ATP2B3: variants seen among roughly 807,000 people sequenced by gnomAD.
ATP2B3 encodes the protein plasma membrane calcium-transporting ATPase 3.
A neutral mutation model predicts 70.8 loss-of-function variants in ATP2B3; 12 were observed. That is an observed-to-expected ratio of 0.17 (90% CI 0.11 to 0.27). The LOEUF is 0.27. Among genes scored for constraint, ATP2B3 ranks in the 10% least tolerant of loss-of-function variants. The pLI is 1.00. For synonymous variants in ATP2B3, 460 were observed against 497.8 expected (o/e 0.92, Z 1.01); for missense variants, 858 against 1,118.5 (o/e 0.77, Z 3.32).
At chrX:153,563,128 G>A (rs782752135) in intron 20 of ATP2B3, among the ~76,000 whole-genome samples, 10 of 59,710 alleles carry the variant, frequency 1.7e-4, no homozygotes, top group Admixed American at 4.8e-4. Context: ...ATAGCATTCT[G>A]GCTTTTCCTT....
intron 10 of ATP2B3, 22 bp from the exon 11 acceptor site, chrX:153,549,475 C>A: frequency 8.3e-7 from 1 of 1,209,966 alleles, no homozygotes; most frequent in Non-Finnish European, 1.1e-6. Flanking sequence ...GGGCCAAATG[C>A]CCACACCCTC....
At chrX:153,521,499 A>G (rs1428432546) in intron 2 of ATP2B3, among the ~76,000 whole-genome samples, 1 of 112,462 alleles carries the variant, frequency 8.9e-6, no homozygotes, top group Admixed American at 9.3e-5. Context: ...ATGGTTGGGG[A>G]ATCTTGGGAC....
intron 21 of ATP2B3, among the ~76,000 whole-genome samples, chrX:153,567,511 G>A (rs1340515243): frequency 3.5e-5 from 4 of 113,016 alleles, no homozygotes; most frequent in East Asian, 2.8e-4. Flanking sequence ...CGCCGCAGCC[G>A]AAGGCGACGT....
intron 21 of ATP2B3, chrX:153,575,002 C>T: frequency 3.7e-6 from 1 of 267,724 alleles, no homozygotes; most frequent in Admixed American, 3.8e-5. Flanking sequence ...CTCTGGGCAG[C>T]TGGTAACAAA....
At chrX:153,553,335 G>A in intron 13 of ATP2B3, 66 bp downstream of exon 13, 2 of 1,006,116 alleles carry the variant, frequency 2.0e-6, no homozygotes, top group Non-Finnish European at 2.7e-6. Flanking sequence ...TGTCCGGACT[G>A]GTAGGGGCGG....
intron 2 of ATP2B3, among the ~76,000 whole-genome samples, chrX:153,527,161 C>T (rs782176459): frequency 1.8e-5 from 2 of 112,778 alleles, no homozygotes; most frequent in Non-Finnish European, 3.8e-5. Flanking sequence ...CGGGCTGGGA[C>T]GGGCACCGAG....
chrX:153,543,194 T>C, intron 7 of ATP2B3, 26 bp downstream of exon 7: 1 of 1,193,507 alleles, frequency 8.4e-7, no homozygotes, highest in African/African-American at 1.7e-5. Context: ...CGCCAGTCCC[T>C]GGTGCTGGTG....
Position 153,541,573 on chromosome X carries a change from T to G in ATP2B3, c.406+17T>G. ...AGAGTGAAGGTAAGGCCCGGGGGCC[T>G]GGGCTGGAAGGAGGAAGAGGAATGG... On this transcript the variant is annotated intron_variant, in intron 4 of 21. Transcript: ENST00000263519. The G allele has an allele frequency of 1.7e-6, 2 of 1,210,078 alleles. No individual in the cohort carries two copies. Among genetic ancestry groups the G allele is most frequent in the Non-Finnish European group, 2.2e-6 (2 of 894,581 alleles).
chrX:153,536,898 G>A (rs782504778), intron 3 of ATP2B3, among the ~76,000 whole-genome samples: 3 of 112,269 alleles, frequency 2.7e-5, no homozygotes, highest in South Asian at 3.7e-4. Flanking sequence ...TCGGGTGACC[G>A]GGGCCTCTCC....
intron 2 of ATP2B3, among the ~76,000 whole-genome samples, chrX:153,522,380 C>T (rs113039892): frequency 8.9e-6 from 1 of 111,844 alleles, no homozygotes; most frequent in Non-Finnish European, 1.9e-5. Flanking sequence ...TGGCTGGGGC[C>T]GGGAGGATGG....
intron 12 of ATP2B3, among the ~76,000 whole-genome samples, chrX:153,551,136 C>T (rs782529653): frequency 1.8e-5 from 2 of 112,328 alleles, no homozygotes; most frequent in Non-Finnish European, 3.8e-5. Context: ...GTGGTGTCCA[C>T]GAAACTGTTT....
chrX:153,528,153 G>A (rs2090062651), intron 2 of ATP2B3, among the ~76,000 whole-genome samples: 1 of 113,027 alleles, frequency 8.8e-6, no homozygotes, highest in Admixed American at 9.3e-5. Flanking sequence ...CTTTTCATTG[G>A]TTCTAATCAC....
At chrX:153,523,588 T>C (rs1389952636) in intron 2 of ATP2B3, among the ~76,000 whole-genome samples, 1 of 111,917 alleles carries the variant, frequency 8.9e-6, no homozygotes, top group East Asian at 2.7e-4. Context: ...GTCAAAAATA[T>C]GTACTTTACT....
chrX:153,551,565 C>T (rs1343415328), intron 12 of ATP2B3, among the ~76,000 whole-genome samples: 1 of 111,691 alleles, frequency 9.0e-6, no homozygotes, highest in Non-Finnish European at 1.9e-5. Context: ...TGTTTTAAAT[C>T]GTGATGACGT....
chrX:153,569,950 T>G (rs2090764394), intron 21 of ATP2B3: 1 of 469,160 alleles, frequency 2.1e-6, no homozygotes. Flanking sequence ...TGAAACGTAT[T>G]CAACCCATGG....
intron 2 of ATP2B3, 111 bp from the exon 3 acceptor site, chrX:153,536,011 C>T (rs2090185688): frequency 6.8e-6 from 3 of 438,208 alleles, no homozygotes; most frequent in South Asian, 3.3e-5. Flanking sequence ...TTCTGCACTT[C>T]GAGGGTCATG....
rs201996177 is a variant in ATP2B3 at position 153,559,707 on chromosome X, GGT to G, written c.2626-20_2626-19del. 1.7e-3 allele frequency: 2,090 copies of G among 1,197,870 alleles called. 31 individuals carry two copies. The African/African-American group carries it at 0.035, about 20-fold the overall frequency. On this transcript the variant is annotated intron_variant, in intron 17 of 21. Coordinates refer to ENST00000263519, the MANE Select transcript of ATP2B3 (RefSeq NM_001001344.3). The stretch of plus-strand genomic sequence containing the variant: ...TTCCCGGGCAGGCGGCCCATGGAAA[GGT>G]GACTGCCTCCTCTCCATAGGACTCT...
chrX:153,574,505 G>T (rs1158200047), intron 21 of ATP2B3, among the ~76,000 whole-genome samples: 1 of 111,566 alleles, frequency 9.0e-6, no homozygotes, highest in African/African-American at 3.3e-5. Context: ...GAGCCCCTCG[G>T]GTCGGCTGGT....
At chrX:153,524,181 C>T (rs1294882197) in intron 2 of ATP2B3, among the ~76,000 whole-genome samples, 2 of 110,225 alleles carry the variant, frequency 1.8e-5, no homozygotes, top group Non-Finnish European at 3.8e-5. Context: ...AAATCCCTTT[C>T]GGAAATTTGA....
Sources: gnomAD v4.1 joint callset for allele counts (sites outside exome capture counted in the v4.1 genomes callset) on GRCh38, gnomAD v4.1.1 for gene constraint, MANE v1.5 for transcripts, NCBI Gene and HGNC (gene_info 2026-07-23, HGNC 2026-07-21) for gene names.